PCNX2: variants seen among roughly 807,000 people sequenced by gnomAD.
PCNX2 encodes the protein pecanex 2.
In PCNX2, 168 loss-of-function variants were observed where a neutral mutation model predicts 223.8. The observed-to-expected ratio is 0.75, with a 90% CI of 0.66 to 0.85. The LOEUF is 0.85. Ranked by LOEUF, PCNX2 falls within the 40% of genes least tolerant of loss-of-function variation. The pLI is 0.00. For missense variants in PCNX2, 2,507 were observed against 2,675.5 expected (o/e 0.94, Z 1.39); for synonymous variants, 1,006 against 1,052.6 (o/e 0.96, Z 0.86).
At chr1:233,218,471 T>A (rs376977066) in intron 10 of PCNX2, among the ~76,000 whole-genome samples, 3 of 151,982 alleles carry the variant, frequency 2.0e-5, no homozygotes, top group African/African-American at 7.2e-5. Flanking sequence ...AGGATGGTCT[T>A]GATCTCCTGA....
chr1:233,226,276 T>G (rs1179113091), intron 10 of PCNX2, among the ~76,000 whole-genome samples: 1 of 152,024 alleles, frequency 6.6e-6, no homozygotes, highest in Admixed American at 6.5e-5. Flanking sequence ...TTCTTTTTTC[T>G]GGGTGGGGGG....
intron 1 of PCNX2, among the ~76,000 whole-genome samples, chr1:233,278,675 A>C (rs1444800845): frequency 2.6e-5 from 4 of 152,134 alleles, no homozygotes; most frequent in Non-Finnish European, 5.9e-5. Flanking sequence ...CTGATTCTGC[A>C]GTTCTTCATA....
At chr1:233,005,612 AC>A (rs1558157099) in intron 28 of PCNX2, among the ~76,000 whole-genome samples, 1 of 152,166 alleles carries the variant, frequency 6.6e-6, no homozygotes, top group East Asian at 1.9e-4. Flanking sequence ...TATCCACAGC[AC>A]CTTAGAGATC....
intron 1 of PCNX2, chr1:233,294,005 G>C (rs1338258448): frequency 1.0e-6 from 1 of 984,906 alleles, no homozygotes; most frequent in African/African-American, 1.7e-5. Context: ...ATTTATTGCA[G>C]GGTTTCCAAG....
the PCNX2 span, among the ~76,000 whole-genome samples, chr1:233,313,010 C>G: frequency 3.7e-4 from 56 of 152,086 alleles, no homozygotes; most frequent in African/African-American, 1.3e-3. Flanking sequence ...TGACTTATAA[C>G]TCTAACATTA....
rs1159701728 is a variant in PCNX2, at chr1:233,262,246, CT to C, written c.360-82del. Reference sequence around the variant, plus strand: ...GACTCTTTTAGTACTAGTCTAAAAACTTTTTTTCCTAGAGTCCATTTTGTTA... The same window carrying C: ...GACTCTTTTAGTACTAGTCTAAAAACTTTTTTCCTAGAGTCCATTTTGTTA... On this transcript the variant is annotated intron_variant, in intron 2 of 33. Transcript: ENST00000258229. The C allele has an allele frequency of 2.3e-5, 36 of 1,539,080 alleles. 1 individual carries two copies. The highest frequency in any genetic ancestry group is 1.6e-4 in the South Asian group (13 of 81,710).
intron 23 of PCNX2, among the ~76,000 whole-genome samples, chr1:233,063,427 T>C (rs1387775552): frequency 1.3e-5 from 2 of 152,096 alleles, no homozygotes; most frequent in Non-Finnish European, 2.9e-5. Flanking sequence ...AGAGAGCTAA[T>C]AAAAGTTAAC....
chr1:233,211,655 T>C, intron 12 of PCNX2: 1 of 440,080 alleles, frequency 2.3e-6, no homozygotes, highest in Non-Finnish European at 3.0e-6. Flanking sequence ...GAAAACAGCA[T>C]GGCAGAGTAA....
intron 17 of PCNX2, among the ~76,000 whole-genome samples, chr1:233,165,016 G>A (rs1001941026): frequency 1.1e-4 from 16 of 152,188 alleles, no homozygotes; most frequent in Admixed American, 6.5e-5. Flanking sequence ...AACTAGAAGA[G>A]AGGATTCTCA....
Position 233,141,705 on chromosome 1 carries a change from G to GTA in PCNX2, c.3518-1852_3518-1851dup, listed in dbSNP as rs1444671158. 6.4e-5 allele frequency among the ~76,000 whole-genome samples: 6 copies of GTA among 93,526 alleles called. No individual in the cohort carries two copies. In the South Asian group the frequency reaches 7.8e-4, roughly 12 times the overall value. 61.4% of individuals were successfully genotyped at this position (93,526 alleles called of 152,430 possible). ...AGAAAAAATATATATATATGTGTGT[G>GTA]TATATATATATCTGTGTGTGTAAAT... is the stretch of plus-strand genomic sequence containing the variant. On this transcript the variant is annotated intron_variant, in intron 19 of 33. Coordinates refer to ENST00000258229, the MANE Select transcript of PCNX2 (RefSeq NM_014801.4).
intron 25 of PCNX2, 104 bp downstream of exon 25, chr1:233,054,164 C>T (rs1295553328): frequency 2.1e-6 from 2 of 973,356 alleles, no homozygotes; most frequent in African/African-American, 1.6e-5. Context: ...AGTAGGAAGA[C>T]ATTAAGTTTT....
chr1:233,076,520 T>C (rs993332635), intron 23 of PCNX2, among the ~76,000 whole-genome samples: 4 of 152,176 alleles, frequency 2.6e-5, no homozygotes, highest in African/African-American at 9.6e-5. Context: ...TTATACCCGG[T>C]GCAGTTTTCT....
In PCNX2 at chr1:232,999,294, C is replaced by G. The variant is rs751356517; in HGVS notation, c.5414G>C (p.Ser1805Thr). 1 of 1,611,334 alleles carries G rather than the reference C, an allele frequency of 6.2e-7. No homozygotes were observed. The highest frequency in any genetic ancestry group is 2.2e-5 in the East Asian group (1 of 44,790). ...CAGGACCTGCTTATTGTTCTGGATA[C>G]TGCCGCGCTCCGGATTGCGGTTGCG... ...FLRNRNPERGSIQNNKQVLRN... is the reference protein window; with the variant it reads ...FLRNRNPERGTIQNNKQVLRN... The change falls in exon 31 of 34, where the codon AGT (serine) becomes ACT (threonine). Residue 1805 changes from serine (S) to threonine (T), a missense_variant. By Grantham distance (58) the Ser-to-Thr change is moderately conservative. Transcript: ENST00000258229.
chr1:233,232,710 T>A, intron 9 of PCNX2: 1 of 701,674 alleles, frequency 1.4e-6, no homozygotes, highest in Non-Finnish European at 1.8e-6. Flanking sequence ...GAGTTCTTGT[T>A]AATGTTTTAA....
chr1:233,258,074 T>C lies in PCNX2; in HGVS notation c.1788A>G (p.Gln596=). ...CATTCTGCTCAGCTGAGCCATTCAG[T>C]TGACTGGATGCCGTCATCTTGGAAG... The part of the protein sequence containing the change: ...INTSKMTASS[Q]LNGSAEQNEE... The change falls in exon 5 of 34, where the codon CAA becomes CAG. Residue 596 remains glutamine, a synonymous_variant. Coordinates refer to ENST00000258229, the MANE Select transcript of PCNX2 (RefSeq NM_014801.4). 1 of 1,613,976 alleles carries C rather than the reference T, an allele frequency of 6.2e-7. No individual in the cohort carries two copies. Among genetic ancestry groups the C allele is most frequent in the Non-Finnish European group, 8.5e-7 (1 of 1,179,860 alleles).
chr1:233,221,385 A>G (rs1385399076), intron 10 of PCNX2, among the ~76,000 whole-genome samples: 5 of 147,508 alleles, frequency 3.4e-5, no homozygotes, highest in African/African-American at 4.9e-5. Flanking sequence ...AATTTCAAAG[A>G]AAAAAAAAAC....
chr1:233,138,357 C>T (rs1676925887), intron 20 of PCNX2, among the ~76,000 whole-genome samples: 1 of 152,188 alleles, frequency 6.6e-6, no homozygotes, highest in South Asian at 2.1e-4. Context: ...TTGGCCTCAA[C>T]CCCACAGGCT....
intron 10 of PCNX2, among the ~76,000 whole-genome samples, chr1:233,224,516 TC>T (rs976446791): frequency 1.1e-4 from 17 of 152,350 alleles, no homozygotes; most frequent in African/African-American, 3.8e-4. Context: ...ACTGCTTTCT[TC>T]CGCTTCCTGC....
At chr1:233,013,423 AC>A (rs964393941) in intron 28 of PCNX2, among the ~76,000 whole-genome samples, 2 of 152,144 alleles carry the variant, frequency 1.3e-5, no homozygotes, top group Admixed American at 6.5e-5. Flanking sequence ...ACAACTTGCC[AC>A]CAGTGTAGAC....
Sources: allele counts gnomAD v4.1 joint callset (sites outside exome capture counted in the v4.1 genomes callset), GRCh38; gene constraint gnomAD v4.1.1; transcripts MANE v1.5; gene names NCBI Gene and HGNC (gene_info 2026-07-23, HGNC 2026-07-21).